Variants in CFAP69 observed in about 807,000 individuals in gnomAD.
CFAP69 encodes the protein cilia- and flagella-associated protein 69.
In CFAP69, 92 loss-of-function variants were observed where a neutral mutation model predicts 123.0. The ratio of observed to expected loss-of-function variants is 0.75; its 90% CI spans 0.63 to 0.89. The LOEUF (loss-of-function observed/expected upper bound fraction) is 0.89. Ranked by LOEUF, CFAP69 falls within the 40% of genes least tolerant of loss-of-function variation. The pLI is 0.00. For missense variants in CFAP69, 1,067 were observed against 1,096.9 expected, an observed-to-expected ratio of 0.97 and a Z score of 0.39; for synonymous variants, 380 against 364.3, an observed-to-expected ratio of 1.04 and a Z score of -0.49.
the CFAP69 span, chr7:90,317,616 G>GC: frequency 6.6e-6 from 1 of 152,078 alleles, no homozygotes; most frequent in East Asian, 1.9e-4. Flanking sequence ...GGTTTATGCA[G>GC]CCCCCTGAAA....
chr7:90,300,180 T>TTA (rs397753625), intron 17 of CFAP69, 121 bp downstream of exon 17: 4 of 1,218,680 alleles, frequency 3.3e-6, no homozygotes, highest in Admixed American at 4.1e-5. Context: ...TTTTTTTTTT[T>TTA]ACAAGGGTTT....
intron 20 of CFAP69, 55 bp downstream of exon 20, chr7:90,307,153 CA>C: frequency 1.6e-6 from 2 of 1,258,894 alleles, no homozygotes; most frequent in Non-Finnish European, 2.3e-6. Flanking sequence ...TTAATGGGCA[CA>C]AAAATACAGT....
At chr7:90,280,198 T>C (rs530544807) in intron 12 of CFAP69, among the ~76,000 whole-genome samples, 1 of 146,550 alleles carries the variant, frequency 6.8e-6, no homozygotes, top group Admixed American at 6.9e-5. Flanking sequence ...AATATTTTAT[T>C]TGCTTTGTTT....
chr7:90,319,394 G>A, the CFAP69 span: 86 of 398,510 alleles, frequency 2.2e-4, no homozygotes, highest in Middle Eastern at 1.3e-3. Flanking sequence ...TATTTGGGGG[G>A]CATCACCTGT....
At chr7:90,307,425 G>A (rs76756818) in intron 20 of CFAP69, among the ~76,000 whole-genome samples, 3 of 152,198 alleles carry the variant, frequency 2.0e-5, no homozygotes, top group East Asian at 3.9e-4. Context: ...TAAGGCACAA[G>A]ATAATAATTT....
chr7:90,256,319 G>A (rs997050567), intron 2 of CFAP69, among the ~76,000 whole-genome samples: 3 of 152,086 alleles, frequency 2.0e-5, no homozygotes, highest in African/African-American at 7.2e-5. Context: ...ATAAGTGGGA[G>A]GTGAACAATG....
downstream of CFAP69, among the ~76,000 whole-genome samples, chr7:90,311,658 A>G (rs559584699): frequency 2.2e-4 from 34 of 152,038 alleles, no homozygotes; most frequent in South Asian, 3.9e-3. Context: ...GGGATTTTCC[A>G]TTATCCTGTC....
chr7:90,263,140 C>T (rs1056430968), intron 4 of CFAP69, among the ~76,000 whole-genome samples: 1 of 152,144 alleles, frequency 6.6e-6, no homozygotes, highest in Admixed American at 6.5e-5. Flanking sequence ...TCCTACAGAG[C>T]TCTGCACAAA....
chr7:90,272,131 G>A, intron 8 of CFAP69, 173 bp downstream of exon 8: 1 of 527,936 alleles, frequency 1.9e-6, no homozygotes, highest in Non-Finnish European at 3.1e-6. Context: ...ACAATAACAA[G>A]CCACACTTTT....
rs1195287168 is a variant in CFAP69, at chr7:90,265,301, C to T, written c.357C>T (p.Gly119=). 1.9e-6 allele frequency: 3 copies of T among 1,602,622 alleles called. No homozygotes were observed. The East Asian group carries it at 6.7e-5, about 36-fold the overall frequency. ...TTACAATTCTTCATTCTTATTGAAG[C>T]TTGCCATTTTTGAAAAAGAAAGTGT... The part of the protein sequence containing the change: ...ESAYDIIKLC[G]LPFLKKKVSD... Residue 119 remains glycine, a splice_region_variant and synonymous_variant, in exon 5 of 23, where the codon GGC becomes GGT. Transcript: ENST00000389297.
chr7:90,311,855 A>C (rs1794361891), downstream of CFAP69, among the ~76,000 whole-genome samples: 1 of 152,144 alleles, frequency 6.6e-6, no homozygotes, highest in African/African-American at 2.4e-5. Context: ...TCTCTCCTGA[A>C]TCCCTTTCTC....
At chr7:90,295,521 T>C (rs958281117) in intron 15 of CFAP69, among the ~76,000 whole-genome samples, 1 of 152,246 alleles carries the variant, frequency 6.6e-6, no homozygotes, top group African/African-American at 2.4e-5. Context: ...GCCAGAAAGA[T>C]GTTACCAGAC....
intron 3 of CFAP69, among the ~76,000 whole-genome samples, chr7:90,259,111 T>C (rs922852250): frequency 1.3e-5 from 2 of 152,144 alleles, no homozygotes; most frequent in African/African-American, 4.8e-5. Context: ...CAGTGTGTCT[T>C]AAAACTATCT....
chr7:90,295,914 T>C lies in CFAP69; in HGVS notation c.1776-1835T>C, dbSNP rs17866067. On this transcript the variant is annotated intron_variant, in intron 15 of 22. Coordinates refer to ENST00000389297, the MANE Select transcript of CFAP69 (RefSeq NM_001039706.3). ...AACTGTCATTGTGCTGGTGGGAGTG[T>C]AGCAGTGAGGATGACCGGAGGTCAC... 8.2e-3 allele frequency among the ~76,000 whole-genome samples: 1,243 copies of C among 152,318 alleles called. 17 individuals are homozygous for C. Among genetic ancestry groups the C allele is most frequent in the African/African-American group, 0.029 (1,187 of 41,558 alleles).
At chr7:90,303,513 A>T (rs1430794365) in intron 17 of CFAP69, 1 of 925,454 alleles carries the variant, frequency 1.1e-6, no homozygotes, top group East Asian at 1.2e-4. Context: ...AAATGTAAAT[A>T]CTTCCCCTTC....
At chr7:90,312,464 C>CT (rs1794417194), downstream of CFAP69, 1 of 152,140 alleles carries the variant, frequency 6.6e-6, no homozygotes, top group Admixed American at 6.6e-5. Context: ...CTTTCTTCTT[C>CT]CATGTATTTT....
At chr7:90,301,064 G>T (rs1034344275) in intron 17 of CFAP69, 1 of 152,112 alleles carries the variant, frequency 6.6e-6, no homozygotes, top group African/African-American at 2.4e-5. Context: ...CGCCTCCCAG[G>T]TTCAAATGAT....
In CFAP69 at chr7:90,307,059, A is replaced by C. The variant is rs989406242; in HGVS notation, c.2424A>C (p.Ala808=). 6.2e-7 allele frequency: 1 copy of C among 1,611,748 alleles called. No homozygotes were observed. The highest frequency in any genetic ancestry group is 1.7e-5 in the Admixed American group (1 of 59,218). Residue 808 remains alanine (A), a synonymous_variant, in exon 20 of 23, where the codon GCA becomes GCC. Transcript: ENST00000389297. The part of the protein sequence containing the change: ...SLQSDIIESQ[A]CQDMQNEQKV... Reference sequence around the variant, plus strand: ...AAAGTGATATAATTGAAAGCCAAGCATGCCAAGACATGCAAAATGAACAAA... The same window carrying C: ...AAAGTGATATAATTGAAAGCCAAGCCTGCCAAGACATGCAAAATGAACAAA...
chr7:90,316,027 G>A (rs898960853), downstream of CFAP69, among the ~76,000 whole-genome samples: 1 of 152,144 alleles, frequency 6.6e-6, no homozygotes, highest in African/African-American at 2.4e-5. Flanking sequence ...CCGGGAGGCG[G>A]AGGCTGCAGT....
Sources: allele counts gnomAD v4.1 joint callset (sites outside exome capture counted in the v4.1 genomes callset), GRCh38; gene constraint gnomAD v4.1.1; transcripts MANE v1.5; gene names NCBI Gene and HGNC (gene_info 2026-07-23, HGNC 2026-07-21).